The following P2RY14 variants were observed in gnomAD, a reference collection of about 807,000 sequenced individuals.
P2RY14 encodes the protein purinergic receptor P2Y14.
In P2RY14, 2 loss-of-function variants were observed where a neutral mutation model predicts 0.9. The ratio of observed to expected loss-of-function variants is 2.16; its 90% CI spans 0.88 to 6.79. The LOEUF is 6.79. P2RY14 is among the 30% of genes most tolerant of loss of function. The probability of loss-of-function intolerance (pLI) is 0.05; values close to 1 mark genes in which losing one functional copy is unlikely to be tolerated. For synonymous variants in P2RY14, 158 were observed against 147.2 expected, an observed-to-expected ratio of 1.07 and a Z score of -0.53; for missense variants, 378 against 400.1, an observed-to-expected ratio of 0.94 and a Z score of 0.47.
chr3:151,260,137 G>A (rs1216145307), intron 1 of P2RY14, among the ~76,000 whole-genome samples: 1 of 152,120 alleles, frequency 6.6e-6, no homozygotes, highest in African/African-American at 2.4e-5. Flanking sequence ...TCATGAGTGT[G>A]TTTCAGTTGT....
intron 1 of P2RY14, among the ~76,000 whole-genome samples, chr3:151,272,140 A>G (rs982049242): frequency 1.3e-5 from 2 of 152,206 alleles, no homozygotes; most frequent in Non-Finnish European, 2.9e-5. Context: ...GACAGTGTGT[A>G]CCACATGAGC....
chr3:151,226,425 T>C (rs1730503942), intron 1 of P2RY14, among the ~76,000 whole-genome samples: 1 of 152,090 alleles, frequency 6.6e-6, no homozygotes, highest in Admixed American at 6.5e-5. Context: ...CTTAAAATGG[T>C]TAAGTGATTC....
At chr3:151,255,574 C>A (rs556368976) in intron 1 of P2RY14, among the ~76,000 whole-genome samples, 1 of 152,116 alleles carries the variant, frequency 6.6e-6, no homozygotes, top group African/African-American at 2.4e-5. Flanking sequence ...ACTGAACACA[C>A]GCGATTTTTC....
intron 1 of P2RY14, among the ~76,000 whole-genome samples, chr3:151,235,014 T>TG (rs2149345618): frequency 1.3e-5 from 2 of 152,354 alleles, no homozygotes; most frequent in South Asian, 4.1e-4. Flanking sequence ...AGCTCAGGCG[T>TG]GTTTTTTTGT....
chr3:151,273,916 T>C (rs1350111646), intron 1 of P2RY14, among the ~76,000 whole-genome samples: 1 of 152,222 alleles, frequency 6.6e-6, no homozygotes, highest in Non-Finnish European at 1.5e-5. Flanking sequence ...AAAACTTCAC[T>C]GTGTTATGAG....
chr3:151,237,329 C>G (rs867294534), intron 1 of P2RY14, among the ~76,000 whole-genome samples: 1 of 143,196 alleles, frequency 7.0e-6, no homozygotes, highest in Non-Finnish European at 1.5e-5. Flanking sequence ...TGAGCCACCA[C>G]GCCTGGCTTT....
At chr3:151,242,960 G>A (rs1339852500) in intron 1 of P2RY14, among the ~76,000 whole-genome samples, 2 of 151,648 alleles carry the variant, frequency 1.3e-5, no homozygotes, top group Non-Finnish European at 2.9e-5. Context: ...CGAGAACTAC[G>A]TGAAGAATGC....
chr3:151,228,453 G>A (rs1447406529), intron 1 of P2RY14, among the ~76,000 whole-genome samples: 1 of 151,992 alleles, frequency 6.6e-6, no homozygotes, highest in East Asian at 1.9e-4. Flanking sequence ...GCTCCTGACA[G>A]TTTCCCCTCT....
At chr3:151,266,119 T>C (rs1292354780) in intron 1 of P2RY14, among the ~76,000 whole-genome samples, 1 of 152,210 alleles carries the variant, frequency 6.6e-6, no homozygotes, top group African/African-American at 2.4e-5. Context: ...TTCTCCTTAG[T>C]GCTTTTGTTT....
intron 1 of P2RY14, among the ~76,000 whole-genome samples, chr3:151,224,088 T>C (rs550118787): frequency 8.5e-5 from 13 of 152,182 alleles, no homozygotes; most frequent in Non-Finnish European, 1.8e-4. Context: ...TCTGCACTTC[T>C]GTTTTTGTAT....
At chr3:151,272,694 C>CAGGA (rs1741168738) in intron 1 of P2RY14, among the ~76,000 whole-genome samples, 1 of 152,134 alleles carries the variant, frequency 6.6e-6, no homozygotes, top group Non-Finnish European at 1.5e-5. Context: ...GACAGATGTG[C>CAGGA]AGGAGGTGGG....
At chr3:151,234,688 C>T (rs1271822911) in intron 1 of P2RY14, among the ~76,000 whole-genome samples, 3 of 152,192 alleles carry the variant, frequency 2.0e-5, no homozygotes, top group Non-Finnish European at 4.4e-5. Context: ...CCCAACCATT[C>T]GAAGCCTCAG....
rs531443713 is a variant in P2RY14, at chr3:151,273,402, A to ATTTT, written c.-133+4881_-133+4884dup. Among the ~76,000 whole-genome samples, 368 of 113,620 alleles carry ATTTT rather than the reference A, an allele frequency of 3.2e-3. 4 individuals are homozygous for ATTTT. The highest frequency in any genetic ancestry group is 0.027 in the South Asian group (90 of 3,364). The allele number at this position is 113,620 out of a possible 152,430, so 74.5% of individuals were successfully genotyped here. A position where few individuals can be genotyped will look rare whatever the true frequency, so the allele number is the denominator to read the frequency against. ...ACCACCATGCCCGGCTAATTTTTGT[A>ATTTT]TTTTTTTTTTTTTTTTTTTTAGTAG... On this transcript the variant is annotated intron_variant, in intron 1 of 2. Coordinates refer to ENST00000309170, the MANE Select transcript of P2RY14 (RefSeq NM_014879.4).
intron 1 of P2RY14, among the ~76,000 whole-genome samples, chr3:151,265,286 A>T (rs1559957850): frequency 6.6e-6 from 1 of 152,254 alleles, no homozygotes; most frequent in Non-Finnish European, 1.5e-5. Flanking sequence ...GAAACTGAGT[A>T]GATCTTTTGG....
At chr3:151,234,076 T>C (rs541631746) in intron 1 of P2RY14, among the ~76,000 whole-genome samples, 1 of 152,224 alleles carries the variant, frequency 6.6e-6, no homozygotes, top group African/African-American at 2.4e-5. Flanking sequence ...ATTTTAACTT[T>C]TAGGTGTATG....
chr3:151,271,452 A>G (rs981727090), intron 1 of P2RY14, among the ~76,000 whole-genome samples: 3 of 152,216 alleles, frequency 2.0e-5, no homozygotes, highest in Non-Finnish European at 4.4e-5. Flanking sequence ...GTCACTTCTT[A>G]TCAAGTTAAA....
intron 1 of P2RY14, among the ~76,000 whole-genome samples, chr3:151,272,638 G>A (rs1200038626): frequency 6.6e-6 from 1 of 152,204 alleles, no homozygotes; most frequent in Non-Finnish European, 1.5e-5. Context: ...AAAATATTGA[G>A]TACACAACCA....
chr3:151,270,941 C>T (rs1319658502), intron 1 of P2RY14, among the ~76,000 whole-genome samples: 1 of 151,516 alleles, frequency 6.6e-6, no homozygotes, highest in African/African-American at 2.4e-5. Flanking sequence ...GGAAAGATGA[C>T]ACTTAGTTTT....
intron 1 of P2RY14, among the ~76,000 whole-genome samples, chr3:151,260,052 C>T (rs1019590454): frequency 6.6e-6 from 1 of 152,100 alleles, no homozygotes; most frequent in Non-Finnish European, 1.5e-5. Flanking sequence ...TTGTCAACCA[C>T]AGCATTCAGC....
Sources: allele counts gnomAD v4.1 joint callset (sites outside exome capture counted in the v4.1 genomes callset), GRCh38; gene constraint gnomAD v4.1.1; transcripts MANE v1.5; gene names NCBI Gene and HGNC (gene_info 2026-07-23, HGNC 2026-07-21).